Variants in GMDS observed in about 807,000 individuals in gnomAD.
The protein encoded by GMDS is GDP-mannose 4,6 dehydratase.
A neutral mutation model predicts 49.9 loss-of-function variants in GMDS; 20 were observed. The observed-to-expected ratio is 0.40, with a 90% CI of 0.28 to 0.58. The LOEUF (loss-of-function observed/expected upper bound fraction) is 0.58, where lower values mean the gene tolerates loss of function less well. Among genes scored for constraint, GMDS ranks in the 20% least tolerant of loss-of-function variants. The pLI is 0.42. For missense variants in GMDS, 362 were observed against 481.4 expected (o/e 0.75, Z 2.32); for synonymous variants, 177 against 178.6 (o/e 0.99, Z 0.07).
At chr6:1,930,280 T>G (rs1284233715) in intron 6 of GMDS, 50 bp from the exon 7 acceptor site, 1 of 1,554,130 alleles carries the variant, frequency 6.4e-7, no homozygotes, top group East Asian at 2.3e-5. Flanking sequence ...TTGACACATT[T>G]AACAGTTTGG....
At position 1,845,030 on chromosome 6, in the gene GMDS, A is replaced by G. The variant is rs17134358; in HGVS notation, c.771+85073T>C. 1.6e-3 allele frequency among the ~76,000 whole-genome samples: 248 copies of G among 152,338 alleles called. 7 individuals carry two copies. In the East Asian group the frequency reaches 0.045, roughly 28 times the overall value. ...TGCTAAAGCTCAGTGCATTTAGATC[A>G]TGTACTCTTAATATTTTTCTCATGT... On this transcript the variant is annotated intron_variant, in intron 7 of 10. Transcript: ENST00000380815.
intron 7 of GMDS, among the ~76,000 whole-genome samples, chr6:1,842,343 G>A (rs1472772161): frequency 6.6e-6 from 1 of 152,240 alleles, no homozygotes; most frequent in Non-Finnish European, 1.5e-5. Flanking sequence ...CACAGCAGTA[G>A]CCTAAGGAAA....
chr6:2,101,306 TA>T (rs1007421500), intron 4 of GMDS, among the ~76,000 whole-genome samples: 3 of 146,702 alleles, frequency 2.0e-5, no homozygotes, highest in Admixed American at 2.0e-4. Flanking sequence ...AAAAAAACAC[TA>T]AAAAAACAAA....
intron 7 of GMDS, among the ~76,000 whole-genome samples, chr6:1,840,315 C>T (rs189940292): frequency 1.2e-4 from 18 of 152,306 alleles, no homozygotes; most frequent in Non-Finnish European, 7.4e-5. Flanking sequence ...CCTCTCCTCA[C>T]CCCTTCCAGA....
intron 1 of GMDS, among the ~76,000 whole-genome samples, chr6:2,226,099 A>G (rs539614247): frequency 2.9e-4 from 44 of 152,352 alleles, no homozygotes; most frequent in Non-Finnish European, 5.9e-4. Context: ...GGGAGAAAGG[A>G]AACAATTACA....
At chr6:2,186,272 T>C (rs1306957390) in intron 1 of GMDS, among the ~76,000 whole-genome samples, 2 of 152,240 alleles carry the variant, frequency 1.3e-5, no homozygotes, top group African/African-American at 4.8e-5. Context: ...ATACTGTTTG[T>C]GTAGCAATTC....
At chr6:2,070,982 C>G (rs558324334) in intron 4 of GMDS, among the ~76,000 whole-genome samples, 1 of 152,262 alleles carries the variant, frequency 6.6e-6, no homozygotes, top group African/African-American at 2.4e-5. Flanking sequence ...TGTCTACCCA[C>G]AGAAGACATG....
intron 1 of GMDS, among the ~76,000 whole-genome samples, chr6:2,232,358 T>C (rs1424968394): frequency 6.6e-6 from 1 of 152,194 alleles, no homozygotes; most frequent in Non-Finnish European, 1.5e-5. Context: ...AAACACTTTA[T>C]CCTCAATTCC....
chr6:1,873,906 A>G (rs1464943832), intron 7 of GMDS, among the ~76,000 whole-genome samples: 2 of 152,192 alleles, frequency 1.3e-5, no homozygotes, highest in Non-Finnish European at 2.9e-5. Flanking sequence ...ATCCTCTTAT[A>G]CCACACACTC....
intron 4 of GMDS, among the ~76,000 whole-genome samples, chr6:2,111,426 T>G (rs926771291): frequency 6.6e-6 from 1 of 152,204 alleles, no homozygotes; most frequent in Non-Finnish European, 1.5e-5. Context: ...TTTTTCTGTT[T>G]ATGATTCAGA....
At chr6:1,646,303 C>A (rs538916215) in intron 9 of GMDS, among the ~76,000 whole-genome samples, 1 of 152,204 alleles carries the variant, frequency 6.6e-6, no homozygotes, top group South Asian at 2.1e-4. Flanking sequence ...CAGACCAGCC[C>A]TCCCCTGCTC....
chr6:2,106,317 A>T (rs1198103240), intron 4 of GMDS, among the ~76,000 whole-genome samples: 3 of 152,190 alleles, frequency 2.0e-5, no homozygotes, highest in Non-Finnish European at 4.4e-5. Context: ...AAAAGATTTC[A>T]TTTTATTTTA....
intron 4 of GMDS, among the ~76,000 whole-genome samples, chr6:2,049,393 C>T (rs1276752420): frequency 7.2e-5 from 11 of 152,070 alleles, no homozygotes; most frequent in East Asian, 1.9e-4. Flanking sequence ...TAGAGGGCAA[C>T]GCTGTCTCAT....
intron 4 of GMDS, among the ~76,000 whole-genome samples, chr6:2,082,286 A>C (rs1201029136): frequency 3.3e-5 from 5 of 152,190 alleles, no homozygotes; most frequent in African/African-American, 4.8e-5. Context: ...GATGCACTTC[A>C]AGTATTTTCT....
At chr6:1,796,339 A>T (rs1349325772) in intron 7 of GMDS, among the ~76,000 whole-genome samples, 1 of 152,240 alleles carries the variant, frequency 6.6e-6, no homozygotes, top group Non-Finnish European at 1.5e-5. Context: ...TCTTCAAAAA[A>T]TAGGATAAAA....
At chr6:1,650,968 G>C (rs1003209692) in intron 9 of GMDS, among the ~76,000 whole-genome samples, 1 of 152,224 alleles carries the variant, frequency 6.6e-6, no homozygotes, top group African/African-American at 2.4e-5. Flanking sequence ...ATGAGTAGAT[G>C]AATGAAACAG....
chr6:2,181,644 G>C (rs1043468816), intron 1 of GMDS, among the ~76,000 whole-genome samples: 3 of 152,062 alleles, frequency 2.0e-5, no homozygotes, highest in African/African-American at 7.2e-5. Flanking sequence ...GGTGGTCTGT[G>C]ATCAGTCATC....
intron 9 of GMDS, among the ~76,000 whole-genome samples, chr6:1,708,912 T>C (rs1765842656): frequency 6.6e-6 from 1 of 152,236 alleles, no homozygotes; most frequent in Admixed American, 6.5e-5. Context: ...TGTCAGGTGC[T>C]GTGGTGACAT....
chr6:1,626,614 C>T (rs1762855574), intron 9 of GMDS, among the ~76,000 whole-genome samples: 2 of 152,158 alleles, frequency 1.3e-5, no homozygotes, highest in Admixed American at 1.3e-4. Context: ...AGCGGCTAGA[C>T]GGTGTGGAGA....
Sources: allele counts gnomAD v4.1 joint callset (sites outside exome capture counted in the v4.1 genomes callset), GRCh38; gene constraint gnomAD v4.1.1; transcripts MANE v1.5; gene names NCBI Gene and HGNC (gene_info 2026-07-23, HGNC 2026-07-21).